ZFTRAF1: variants seen among roughly 807,000 people sequenced by gnomAD.
The protein encoded by ZFTRAF1 is zinc finger TRAF-type and ring finger containing 1, also known as zinc finger TRAF-type-containing protein 1.
chr8:144,450,783 A>G, the ZFTRAF1 span: 2 of 686,650 alleles, frequency 2.9e-6, no homozygotes, highest in South Asian at 1.5e-5. Flanking sequence ...GTGGAGACAG[A>G]CAGGGCCGGA....
At chr8:144,451,211 G>A in the ZFTRAF1 span, 37 of 172,144 alleles carry the variant, frequency 2.1e-4, no homozygotes, top group Middle Eastern at 3.0e-3. Context: ...AGCCCTGCCC[G>A]AGGGGAGCAC....
At chr8:144,450,967 A>G in the ZFTRAF1 span, among the ~76,000 whole-genome samples, 1 of 152,184 alleles carries the variant, frequency 6.6e-6, no homozygotes, top group Non-Finnish European at 1.5e-5. Context: ...TGAGGGGAAC[A>G]ACCACAAACA....
At chr8:144,451,706 G>A in the ZFTRAF1 span, 79,529 of 158,328 alleles carry the variant, frequency 0.5, 20,345 homozygotes, top group Middle Eastern at 0.62. Context: ...TCTGGGCCAG[G>A]CTCTGGCCTG....
chr8:144,452,212 T>A, the ZFTRAF1 span: 1 of 896,022 alleles, frequency 1.1e-6, no homozygotes, highest in East Asian at 2.6e-5. Context: ...GACCGAGGTG[T>A]CCACCTGTCC....
chr8:144,461,145 G>A, the ZFTRAF1 span, among the ~76,000 whole-genome samples: 1 of 152,190 alleles, frequency 6.6e-6, no homozygotes, highest in Admixed American at 6.5e-5. Context: ...CAGCAAGAAG[G>A]ACTTGGAGAT....
At chr8:144,460,242 C>A in the ZFTRAF1 span, among the ~76,000 whole-genome samples, 1 of 152,242 alleles carries the variant, frequency 6.6e-6, no homozygotes. Flanking sequence ...GGGAGGGCCA[C>A]CAGCCAGGGC....
the ZFTRAF1 span, chr8:144,453,158 C>A: frequency 7.0e-7 from 1 of 1,424,592 alleles, no homozygotes; most frequent in Admixed American, 2.0e-5. Context: ...CCCTGCTGCA[C>A]CAGGGTGGGC....
the ZFTRAF1 span, chr8:144,450,450 C>T: frequency 4.2e-6 from 3 of 718,188 alleles, no homozygotes; most frequent in Middle Eastern, 2.3e-4. Context: ...TTGCACTCCA[C>T]GGAGTCAATG....
chr8:144,459,235 G>A, the ZFTRAF1 span, among the ~76,000 whole-genome samples: 5 of 152,210 alleles, frequency 3.3e-5, no homozygotes, highest in East Asian at 7.7e-4. Flanking sequence ...GCAGGGAGCC[G>A]GCAGGAACGA....
chr8:144,459,455 G>A, the ZFTRAF1 span, among the ~76,000 whole-genome samples: 1 of 152,244 alleles, frequency 6.6e-6, no homozygotes, highest in Non-Finnish European at 1.5e-5. Context: ...ACGTGAGGCA[G>A]GACTCGGCGG....
the ZFTRAF1 span, chr8:144,450,215 GC>G: frequency 1.7e-6 from 1 of 589,068 alleles, no homozygotes; most frequent in Non-Finnish European, 3.0e-6. Flanking sequence ...GGAGGCGGGG[GC>G]CCCGTCGCGC....
At chr8:144,451,753 C>T in the ZFTRAF1 span, 14 of 164,304 alleles carry the variant, frequency 8.5e-5, no homozygotes, top group African/African-American at 1.9e-4. Context: ...GCGGTGGCAG[C>T]GGCCCAGAGA....
chr8:144,461,504 C>A, the ZFTRAF1 span, among the ~76,000 whole-genome samples: 1 of 152,082 alleles, frequency 6.6e-6, no homozygotes, highest in Non-Finnish European at 1.5e-5. Context: ...CACTGCCATG[C>A]GGATGTGAAG....
At chr8:144,460,528 C>T in the ZFTRAF1 span, among the ~76,000 whole-genome samples, 1 of 152,256 alleles carries the variant, frequency 6.6e-6, no homozygotes, top group African/African-American at 2.4e-5. Context: ...AAGGAGACTT[C>T]CCTGTTCCCC....
At chr8:144,462,072 C>A in the ZFTRAF1 span, among the ~76,000 whole-genome samples, 2 of 152,252 alleles carry the variant, frequency 1.3e-5, no homozygotes, top group South Asian at 2.1e-4. Flanking sequence ...GGGTCCCGAG[C>A]GGAAAATAAA....
the ZFTRAF1 span, chr8:144,453,210 A>G: frequency 6.5e-7 from 1 of 1,549,376 alleles, no homozygotes; most frequent in Non-Finnish European, 8.7e-7. Context: ...TAAGCCCCTG[A>G]CCCTCAGTTA....
At chr8:144,460,991 G>A in the ZFTRAF1 span, among the ~76,000 whole-genome samples, 9 of 152,322 alleles carry the variant, frequency 5.9e-5, no homozygotes, top group East Asian at 1.9e-4. Flanking sequence ...CAAAGCCAAG[G>A]AGTAACTGCT....
chr8:144,462,316 C>T, the ZFTRAF1 span: 1 of 577,884 alleles, frequency 1.7e-6, no homozygotes, highest in Middle Eastern at 4.3e-4. Flanking sequence ...GGTCCAGGCA[C>T]ACGGTGCAGC....
At chr8:144,462,025 G>A in the ZFTRAF1 span, among the ~76,000 whole-genome samples, 1 of 152,200 alleles carries the variant, frequency 6.6e-6, no homozygotes, top group South Asian at 2.1e-4. Context: ...AAGCGATTCA[G>A]ATCGGGAAGT....
Sources: allele counts gnomAD v4.1 joint callset (sites outside exome capture counted in the v4.1 genomes callset), GRCh38; gene constraint gnomAD v4.1.1; transcripts MANE v1.5; gene names NCBI Gene and HGNC (gene_info 2026-07-23, HGNC 2026-07-21).